Variants in LMO1 observed in about 807,000 individuals in gnomAD.
LMO1 encodes the protein LIM domain only 1.
A neutral mutation model predicts 18.0 loss-of-function variants in LMO1; 10 were observed. The ratio of observed to expected loss-of-function variants is 0.55; its 90% CI spans 0.34 to 0.94. The LOEUF is 0.94. LMO1 is among the 40% of genes least tolerant of loss of function. LMO1 has a pLI of 0.02. For missense variants in LMO1, 183 were observed against 205.7 expected (o/e 0.89, Z 0.68); for synonymous variants, 77 against 77.9 (o/e 0.99, Z 0.06).
intron 1 of LMO1, among the ~76,000 whole-genome samples, chr11:8,249,532 G>A (rs1396325990): frequency 6.6e-6 from 1 of 152,208 alleles, no homozygotes. Context: ...AACAGACACT[G>A]ATGCGTGATA....
At chr11:8,263,099 G>C (rs892034231) in intron 1 of LMO1, among the ~76,000 whole-genome samples, 5 of 151,480 alleles carry the variant, frequency 3.3e-5, no homozygotes, top group Non-Finnish European at 7.4e-5. Context: ...GCCGGGACCC[G>C]GGGGGCGTGC....
In LMO1 at chr11:8,262,700, C is replaced by A. The variant is rs143539071; in HGVS notation, c.25+638G>T. Among the ~76,000 whole-genome samples the A allele has an allele frequency of 9.6e-3, 1,457 of 152,358 alleles. 25 individuals are homozygous for A. Among genetic ancestry groups the A allele is most frequent in the African/African-American group, 0.033 (1,379 of 41,594 alleles). On this transcript the variant is annotated intron_variant, in intron 1 of 3. Transcript: ENST00000335790. ...TTCCTCTGGGCCAAACTCCCGCCTC[C>A]GCGCTCAGAGAGACAGGGAGCTAGC...
intron 1 of LMO1, among the ~76,000 whole-genome samples, chr11:8,251,408 T>A (rs1190510680): frequency 6.6e-6 from 1 of 152,164 alleles, no homozygotes; most frequent in East Asian, 1.9e-4. Flanking sequence ...TTACCCAGCC[T>A]GCCTCAAAAA....
At chr11:8,243,118 C>A (rs1390330134) in intron 1 of LMO1, among the ~76,000 whole-genome samples, 1 of 152,120 alleles carries the variant, frequency 6.6e-6, no homozygotes, top group Admixed American at 6.5e-5. Flanking sequence ...GGATGGAAAC[C>A]CCTTTGGCTG....
intron 1 of LMO1, among the ~76,000 whole-genome samples, chr11:8,263,001 T>C (rs1847213257): frequency 6.6e-6 from 1 of 152,012 alleles, no homozygotes; most frequent in Non-Finnish European, 1.5e-5. Flanking sequence ...AGAGCGAACC[T>C]CCGCGGCGCG....
At chr11:8,250,371 C>CT (rs569866663) in intron 1 of LMO1, among the ~76,000 whole-genome samples, 56 of 152,128 alleles carry the variant, frequency 3.7e-4, no homozygotes, top group African/African-American at 9.9e-4. Context: ...CTTCCTGGAT[C>CT]TTTTTTTTGA....
chr11:8,230,570 C>A, intron 1 of LMO1, 66 bp from the exon 2 acceptor site: 1 of 1,502,848 alleles, frequency 6.7e-7, no homozygotes, highest in South Asian at 1.2e-5. Flanking sequence ...AAGGAATATC[C>A]CCCAAGAATG....
intron 1 of LMO1, among the ~76,000 whole-genome samples, chr11:8,247,459 A>G (rs1466973785): frequency 2.6e-5 from 4 of 152,156 alleles, no homozygotes; most frequent in Non-Finnish European, 5.9e-5. Context: ...TGAGAGGACA[A>G]CCCAAAAAGA....
At chr11:8,252,303 T>C (rs931446948) in intron 1 of LMO1, among the ~76,000 whole-genome samples, 1 of 152,146 alleles carries the variant, frequency 6.6e-6, no homozygotes, top group Admixed American at 6.5e-5. Context: ...CTCCGAGACA[T>C]CTGTGCCCTT....
intron 1 of LMO1, among the ~76,000 whole-genome samples, chr11:8,232,369 C>T (rs1952680264): frequency 6.6e-6 from 1 of 152,236 alleles, no homozygotes; most frequent in Non-Finnish European, 1.5e-5. Flanking sequence ...AGGAGGGCAG[C>T]TGGGGAGCAG....
intron 2 of LMO1, among the ~76,000 whole-genome samples, chr11:8,229,913 G>C (rs1952621966): frequency 6.6e-6 from 1 of 152,186 alleles, no homozygotes; most frequent in African/African-American, 2.4e-5. Flanking sequence ...GGAAGTCAAA[G>C]CTTCCACACC....
intron 1 of LMO1, among the ~76,000 whole-genome samples, chr11:8,251,523 G>A (rs949326875): frequency 1.3e-5 from 2 of 152,202 alleles, no homozygotes; most frequent in Non-Finnish European, 2.9e-5. Context: ...CTCCTCTGCG[G>A]GTATCATCCC....
intron 2 of LMO1, among the ~76,000 whole-genome samples, chr11:8,229,730 A>G (rs375441400): frequency 6.6e-6 from 1 of 152,260 alleles, no homozygotes; most frequent in Middle Eastern, 3.2e-3. Flanking sequence ...CCAAAGGCTC[A>G]CAGCTAGTTC....
At chr11:8,231,846 C>G (rs1952668178) in intron 1 of LMO1, among the ~76,000 whole-genome samples, 1 of 152,140 alleles carries the variant, frequency 6.6e-6, no homozygotes, top group South Asian at 2.1e-4. Context: ...TGGGCTGCTT[C>G]CCTTCCTTTT....
intron 1 of LMO1, among the ~76,000 whole-genome samples, chr11:8,236,033 C>T (rs530923992): frequency 5.3e-5 from 8 of 152,320 alleles, no homozygotes; most frequent in African/African-American, 1.7e-4. Flanking sequence ...GTCTAGTGGT[C>T]AGTGCAAGTA....
intron 2 of LMO1, 37 bp from the exon 3 acceptor site, chr11:8,227,137 C>T: frequency 6.3e-7 from 1 of 1,588,402 alleles, no homozygotes; most frequent in Non-Finnish European, 8.6e-7. Context: ...CAGCAGCATT[C>T]TGGGAAGCTG....
chr11:8,261,974 C>A (rs925139933), intron 1 of LMO1, among the ~76,000 whole-genome samples: 22 of 152,172 alleles, frequency 1.4e-4, no homozygotes, highest in Non-Finnish European at 3.1e-4. Flanking sequence ...ATGCCACCCC[C>A]AGGCCAGATA....
chr11:8,255,564 G>A (rs1434939543), intron 1 of LMO1, among the ~76,000 whole-genome samples: 18 of 152,050 alleles, frequency 1.2e-4, no homozygotes, highest in East Asian at 1.9e-4. Context: ...AGAACAAGTC[G>A]GACAAGCCTT....
rs1372606188 is a variant in LMO1 at position 8,227,055 on chromosome 11, G to T, written c.285C>A (p.Ile95=). The T allele has an allele frequency of 6.2e-7, 1 of 1,613,860 alleles. No homozygotes were observed. Among genetic ancestry groups the T allele is most frequent in the Non-Finnish European group, 8.5e-7 (1 of 1,179,896 alleles). ...TGNCAACSKL[I]PAFEMVMRAR... Reference sequence around the variant, plus strand: ...CCCGCATCACCATCTCGAAGGCTGGGATCAGCTTGCTGCAAGCAGCACAGT... The same window carrying T: ...CCCGCATCACCATCTCGAAGGCTGGTATCAGCTTGCTGCAAGCAGCACAGT... The change falls in exon 3 of 4, where the codon ATC becomes ATA. Residue 95 remains isoleucine, a synonymous_variant. Transcript: ENST00000335790.
Sources: allele counts gnomAD v4.1 joint callset (sites outside exome capture counted in the v4.1 genomes callset), GRCh38; gene constraint gnomAD v4.1.1; transcripts MANE v1.5; gene names NCBI Gene and HGNC (gene_info 2026-07-23, HGNC 2026-07-21).